KLHL28: variants seen among roughly 807,000 people sequenced by gnomAD.
KLHL28 encodes kelch-like protein 28.
In KLHL28, 22 loss-of-function variants were observed where a neutral mutation model predicts 48.3. The ratio of observed to expected loss-of-function variants is 0.46; its 90% CI spans 0.33 to 0.65. The LOEUF (loss-of-function observed/expected upper bound fraction) is 0.65. Ranked by LOEUF, KLHL28 falls within the 30% of genes least tolerant of loss-of-function variation. KLHL28 has a pLI of 0.03. For synonymous variants in KLHL28, 243 were observed against 242.4 expected, an observed-to-expected ratio of 1.00 and a Z score of -0.02; for missense variants, 527 against 704.3, an observed-to-expected ratio of 0.75 and a Z score of 2.85.
chr14:44,955,047 C>T (rs931684622), intron 1 of KLHL28, among the ~76,000 whole-genome samples: 1 of 151,926 alleles, frequency 6.6e-6, no homozygotes, highest in Admixed American at 6.6e-5. Flanking sequence ...TGCTATAAAG[C>T]AAATGAGTAA....
intron 1 of KLHL28, among the ~76,000 whole-genome samples, chr14:44,947,656 TGA>T (rs1884394553): frequency 1.3e-5 from 2 of 152,196 alleles, no homozygotes; most frequent in East Asian, 1.9e-4. Flanking sequence ...TGAACACTAT[TGA>T]GAGAGTATAG....
At chr14:44,960,792 C>A in intron 1 of KLHL28, 1 of 307,404 alleles carries the variant, frequency 3.3e-6, no homozygotes, top group Non-Finnish European at 5.3e-6. Context: ...ATTATTTTTG[C>A]ACTTGCATCA....
chr14:44,944,936 G>GAAAATC, intron 2 of KLHL28, 94 bp downstream of exon 2: 2 of 956,432 alleles, frequency 2.1e-6, no homozygotes, highest in Non-Finnish European at 3.1e-6. Context: ...AAGTAAAAAG[G>GAAAATC]AAAATCAAAC....
chr14:44,926,649 G>GCCTCCCAA lies in KLHL28; in HGVS notation c.*2378_*2379insTTGGGAGG, dbSNP rs1466288163. ...AGCCTCCCAAGTAGCTGGGATTACA[G>GCCTCCCAA]GTACCTGCCACAATGCCCAGCTAAT... On this transcript the variant is annotated 3_prime_UTR_variant, in exon 5 of 5. Transcript: ENST00000396128. 6.6e-6 allele frequency: 1 copy of GCCTCCCAA among 152,112 alleles called. No individual in the cohort carries two copies. The highest frequency in any genetic ancestry group is 6.6e-5 in the Admixed American group (1 of 15,262). 9.4% of individuals were successfully genotyped at this position (152,112 alleles called of 1,614,324 possible).
In KLHL28 at chr14:44,945,029, C is replaced by A; in HGVS notation, c.899+1G>T. 1 of 1,578,128 alleles carries A rather than the reference C, an allele frequency of 6.3e-7. No homozygotes were observed. On this transcript the variant is annotated splice_donor_variant, in intron 2 of 4. Transcript: ENST00000396128. LOFTEE classifies it high-confidence loss of function. ...TTCATTTAGGAAAGCCTTCTATTTA[C>A]CTATCCAAACAGGCAAAGAGTCCAG...
intron 4 of KLHL28, among the ~76,000 whole-genome samples, chr14:44,929,627 A>G (rs1883500474): frequency 6.6e-6 from 1 of 152,212 alleles, no homozygotes; most frequent in Non-Finnish European, 1.5e-5. Flanking sequence ...GTCTTGGAAT[A>G]TATATCTCCT....
At chr14:44,949,928 T>C (rs973969023) in intron 1 of KLHL28, among the ~76,000 whole-genome samples, 8 of 152,130 alleles carry the variant, frequency 5.3e-5, no homozygotes, top group African/African-American at 1.9e-4. Flanking sequence ...TGTCAGTCCA[T>C]ATCTGTACTA....
intron 1 of KLHL28, among the ~76,000 whole-genome samples, chr14:44,950,383 T>C (rs1182488411): frequency 6.6e-6 from 1 of 152,182 alleles, no homozygotes; most frequent in Admixed American, 6.5e-5. Flanking sequence ...TATGAAGTAT[T>C]GACTAGATTC....
In KLHL28 at chr14:44,927,101, C is replaced by T. The variant is rs1243651508; in HGVS notation, c.*1927G>A. The T allele has an allele frequency of 6.6e-6, 1 of 152,552 alleles. No homozygotes were observed. The highest frequency in any genetic ancestry group is 1.5e-5 in the Non-Finnish European group (1 of 68,014). The allele number at this position is 152,552 out of a possible 1,614,324, so 9.4% of individuals were successfully genotyped here. A position where few individuals can be genotyped will look rare whatever the true frequency, so the allele number is the denominator to read the frequency against. Reference sequence around the variant, plus strand: ...ACAAGCAACATAGAAAATACTCAGACTATCAATTGTTATTAGTTGCTCCTG... The same window carrying T: ...ACAAGCAACATAGAAAATACTCAGATTATCAATTGTTATTAGTTGCTCCTG... On this transcript the variant is annotated 3_prime_UTR_variant, in exon 5 of 5. Transcript: ENST00000396128.
intron 2 of KLHL28, among the ~76,000 whole-genome samples, chr14:44,943,205 T>A (rs868205970): frequency 6.6e-6 from 1 of 152,194 alleles, no homozygotes; most frequent in Non-Finnish European, 1.5e-5. Context: ...AAATACATAT[T>A]CGAAAATTTT....
chr14:44,959,528 G>C (rs1228398908), intron 1 of KLHL28: 2 of 152,086 alleles, frequency 1.3e-5, no homozygotes, highest in South Asian at 4.1e-4. Context: ...TAAAATTTGA[G>C]TAAGAACACA....
At chr14:44,953,735 T>C (rs557038474) in intron 1 of KLHL28, 13 of 152,304 alleles carry the variant, frequency 8.5e-5, no homozygotes, top group African/African-American at 3.1e-4. Context: ...TCCTTTTACT[T>C]ATAAATTATC....
At chr14:44,961,109 C>T in intron 1 of KLHL28, 1 of 424,322 alleles carries the variant, frequency 2.4e-6, no homozygotes, top group Non-Finnish European at 4.2e-6. Flanking sequence ...AAAATGCACA[C>T]AAAATTCTCA....
intron 1 of KLHL28, among the ~76,000 whole-genome samples, chr14:44,959,786 A>G (rs953316230): frequency 6.6e-6 from 1 of 152,154 alleles, no homozygotes; most frequent in African/African-American, 2.4e-5. Flanking sequence ...TCTGAGGTGT[A>G]CTATTAATAA....
intron 1 of KLHL28, among the ~76,000 whole-genome samples, chr14:44,952,019 C>T (rs909685912): frequency 3.9e-5 from 6 of 151,912 alleles, no homozygotes; most frequent in African/African-American, 9.7e-5. Flanking sequence ...TCACCACGCC[C>T]GACTAGTTTT....
At chr14:44,958,343 T>C (rs1884883032) in intron 1 of KLHL28, among the ~76,000 whole-genome samples, 1 of 151,712 alleles carries the variant, frequency 6.6e-6, no homozygotes, top group African/African-American at 2.4e-5. Context: ...TATATAAATA[T>C]AGATCACACC....
chr14:44,948,291 GT>G (rs1426384068), intron 1 of KLHL28, among the ~76,000 whole-genome samples: 6 of 152,042 alleles, frequency 3.9e-5, no homozygotes, highest in Non-Finnish European at 8.8e-5. Context: ...ATCAGACAAT[GT>G]ACATAAAAAC....
rs535730181 is a variant in KLHL28, at chr14:44,959,659, C to T, written c.-1+2187G>A. Reference sequence around the variant, plus strand: ...CAGCTAAAAAAATTAACATATGTAGCACACACATTCCTATAATTCACTAAT... The same window carrying T: ...CAGCTAAAAAAATTAACATATGTAGTACACACATTCCTATAATTCACTAAT... On this transcript the variant is annotated intron_variant, in intron 1 of 4. Transcript: ENST00000396128. 3 of 152,234 alleles carry T rather than the reference C, an allele frequency of 2.0e-5. No homozygotes were observed. The South Asian group carries it at 6.2e-4, about 32-fold the overall frequency. 9.4% of individuals were successfully genotyped at this position (152,234 alleles called of 1,614,324 possible).
chr14:44,949,881 G>C (rs1594581418), intron 1 of KLHL28, among the ~76,000 whole-genome samples: 1 of 152,050 alleles, frequency 6.6e-6, no homozygotes, highest in African/African-American at 2.4e-5. Flanking sequence ...ATAATATACA[G>C]AACTACAGAG....
Sources: gnomAD v4.1 joint callset for allele counts (sites outside exome capture counted in the v4.1 genomes callset) on GRCh38, gnomAD v4.1.1 for gene constraint, MANE v1.5 for transcripts, NCBI Gene and HGNC (gene_info 2026-07-23, HGNC 2026-07-21) for gene names.